The following ADAMTS17 variants were observed in gnomAD, a reference collection of about 807,000 sequenced individuals.
ADAMTS17 encodes ADAM metallopeptidase with thrombospondin type 1 motif 17, also known as A disintegrin and metalloproteinase with thrombospondin motifs 17.
ADAMTS17 carries 113 observed loss-of-function variants against 141.5 expected under a neutral mutation model. The observed-to-expected ratio is 0.80, with a 90% CI of 0.69 to 0.93. The LOEUF is 0.93. Ranked by LOEUF, ADAMTS17 falls within the 40% of genes least tolerant of loss-of-function variation. ADAMTS17 has a pLI of 0.00. For missense variants in ADAMTS17, 1,659 were observed against 1,517.9 expected (o/e 1.09, Z -1.54); for synonymous variants, 768 against 630.6 (o/e 1.22, Z -3.27).
At chr15:100,304,184 T>G (rs1365841812) in intron 3 of ADAMTS17, among the ~76,000 whole-genome samples, 1 of 152,162 alleles carries the variant, frequency 6.6e-6, no homozygotes, top group African/African-American at 2.4e-5. Flanking sequence ...CACCCCTCAG[T>G]TGCCTGTACT....
chr15:100,181,602 A>T (rs2141532278), intron 8 of ADAMTS17, among the ~76,000 whole-genome samples: 1 of 152,268 alleles, frequency 6.6e-6, no homozygotes, highest in African/African-American at 2.4e-5. Context: ...TGTGTCTAGA[A>T]TTGTCATCTG....
At chr15:100,165,390 C>T (rs1016972494) in intron 8 of ADAMTS17, among the ~76,000 whole-genome samples, 1 of 152,112 alleles carries the variant, frequency 6.6e-6, no homozygotes, top group Non-Finnish European at 1.5e-5. Flanking sequence ...CAGCGTGCCT[C>T]CCCCCAATGC....
chr15:100,148,775 T>C (rs1302349402), intron 10 of ADAMTS17, among the ~76,000 whole-genome samples: 1 of 151,670 alleles, frequency 6.6e-6, no homozygotes, highest in Non-Finnish European at 1.5e-5. Flanking sequence ...GGGTACCAGA[T>C]TGTCATCTTA....
intron 18 of ADAMTS17, among the ~76,000 whole-genome samples, chr15:100,022,790 T>C (rs1444141133): frequency 6.6e-6 from 1 of 152,088 alleles, no homozygotes; most frequent in Non-Finnish European, 1.5e-5. Context: ...AAAATAATAA[T>C]TTGTTAATAA....
intron 13 of ADAMTS17, among the ~76,000 whole-genome samples, chr15:100,115,964 G>A (rs1189923732): frequency 6.6e-6 from 1 of 152,058 alleles, no homozygotes; most frequent in Non-Finnish European, 1.5e-5. Context: ...GCTTAGAGGT[G>A]TCCTGTAACC....
At chr15:100,333,943 G>T (rs2046130576) in intron 2 of ADAMTS17, among the ~76,000 whole-genome samples, 1 of 152,236 alleles carries the variant, frequency 6.6e-6, no homozygotes, top group Non-Finnish European at 1.5e-5. Flanking sequence ...AGCCCCCAAT[G>T]AAATGGTGCT....
At position 100,098,452 on chromosome 15, in the gene ADAMTS17, G is replaced by A. The variant is rs371627784; in HGVS notation, c.2017-1976C>T. ...TCATGAGGTCAGGAGTTCAAGACCAGCCTGGTCAACATGGTGAAACCCCGT... is the reference window on the plus strand; with the variant it reads ...TCATGAGGTCAGGAGTTCAAGACCAACCTGGTCAACATGGTGAAACCCCGT... On this transcript the variant is annotated intron_variant, in intron 14 of 21. Transcript: ENST00000268070. Among the ~76,000 whole-genome samples, 53 of 152,220 alleles carry A rather than the reference G, an allele frequency of 3.5e-4. No individual in the cohort carries two copies. In the South Asian group the frequency reaches 0.011, roughly 31 times the overall value.
At chr15:100,267,686 C>T (rs1281767147) in intron 4 of ADAMTS17, among the ~76,000 whole-genome samples, 1 of 152,086 alleles carries the variant, frequency 6.6e-6, no homozygotes, top group East Asian at 1.9e-4. Context: ...TCCCTGTCTC[C>T]CTTCTCTAGT....
intron 18 of ADAMTS17, among the ~76,000 whole-genome samples, chr15:100,023,396 C>T (rs1015500314): frequency 1.8e-4 from 27 of 151,658 alleles, no homozygotes; most frequent in Admixed American, 9.2e-4. Flanking sequence ...TTAGTAGAGA[C>T]GGCGTTTCAC....
chr15:100,106,597 G>T (rs1320152179), intron 14 of ADAMTS17, among the ~76,000 whole-genome samples: 2 of 152,186 alleles, frequency 1.3e-5, no homozygotes. Context: ...GACCCCACTG[G>T]CTAGACAATT....
chr15:100,241,014 T>C (rs1053775281), intron 7 of ADAMTS17, among the ~76,000 whole-genome samples: 2 of 152,054 alleles, frequency 1.3e-5, no homozygotes, highest in Non-Finnish European at 2.9e-5. Context: ...TTAGTAGAGA[T>C]GGTGTTTCAC....
chr15:100,088,332 TAA>T (rs1055246197), intron 15 of ADAMTS17, among the ~76,000 whole-genome samples: 56 of 152,124 alleles, frequency 3.7e-4, no homozygotes, highest in African/African-American at 1.3e-3. Flanking sequence ...CTCAATGAAA[TAA>T]AAGAGGATAC....
At chr15:100,190,841 A>G (rs2040889373) in intron 8 of ADAMTS17, among the ~76,000 whole-genome samples, 1 of 152,238 alleles carries the variant, frequency 6.6e-6, no homozygotes. Context: ...TCCAGTTACC[A>G]AGAGAGCCAC....
At chr15:100,275,578 C>T (rs1015636945) in intron 4 of ADAMTS17, among the ~76,000 whole-genome samples, 1 of 152,168 alleles carries the variant, frequency 6.6e-6, no homozygotes, top group Admixed American at 6.5e-5. Flanking sequence ...CATGGGGTCC[C>T]TCAGTCCCGG....
At chr15:99,985,690 A>G (rs2060571505) in intron 20 of ADAMTS17, among the ~76,000 whole-genome samples, 1 of 152,090 alleles carries the variant, frequency 6.6e-6, no homozygotes. Flanking sequence ...CAGCTCTGCC[A>G]TTTTCTAGTT....
At position 100,099,103 on chromosome 15, in the gene ADAMTS17, A is replaced by T. The variant is rs7182020; in HGVS notation, c.2017-2627T>A. ...GTCCAGTTTCCTCCAGCCCCAAAGAAGGGGGCTTTTCAGGGCAGGTGCAAA... is the reference window on the plus strand; with the variant it reads ...GTCCAGTTTCCTCCAGCCCCAAAGATGGGGGCTTTTCAGGGCAGGTGCAAA... On this transcript the variant is annotated intron_variant, in intron 14 of 21. Transcript: ENST00000268070. Among the ~76,000 whole-genome samples the T allele has an allele frequency of 1.4e-4, 22 of 152,148 alleles. No homozygotes were observed. In the South Asian group the frequency reaches 3.3e-3, roughly 23 times the overall value.
chr15:100,133,103 G>A (rs966266020), intron 11 of ADAMTS17, 111 bp downstream of exon 11: 30 of 1,056,558 alleles, frequency 2.8e-5, no homozygotes, highest in Non-Finnish European at 3.6e-5. Flanking sequence ...TGCCGCCTGG[G>A]GGATGTTTCA....
chr15:100,290,865 C>T (rs567950953), intron 3 of ADAMTS17, among the ~76,000 whole-genome samples: 5 of 152,284 alleles, frequency 3.3e-5, no homozygotes, highest in Admixed American at 1.3e-4. Flanking sequence ...GGATTAAATG[C>T]TTAAATGTAA....
At chr15:100,003,561 A>G (rs1206881326) in intron 18 of ADAMTS17, among the ~76,000 whole-genome samples, 4 of 152,102 alleles carry the variant, frequency 2.6e-5, no homozygotes, top group Non-Finnish European at 5.9e-5. Context: ...AGATTAAAAA[A>G]CGGTATGGTA....
Sources: gnomAD v4.1 joint callset for allele counts (sites outside exome capture counted in the v4.1 genomes callset) on GRCh38, gnomAD v4.1.1 for gene constraint, MANE v1.5 for transcripts, NCBI Gene and HGNC (gene_info 2026-07-23, HGNC 2026-07-21) for gene names.